The following SAMD12 variants were observed in gnomAD, a reference collection of about 807,000 sequenced individuals.
The protein encoded by SAMD12 is sterile alpha motif domain containing 12.
Under a neutral mutation model 15.0 loss-of-function variants are expected in SAMD12, and 9 were observed. The ratio of observed to expected loss-of-function variants is 0.60; its 90% CI spans 0.36 to 1.05. The LOEUF (loss-of-function observed/expected upper bound fraction) is 1.05, where lower values mean the gene tolerates loss of function less well. SAMD12 is among the 50% of genes least tolerant of loss of function. The pLI is 0.01. For synonymous variants in SAMD12, 86 were observed against 90.1 expected, an observed-to-expected ratio of 0.96 and a Z score of 0.25; for missense variants, 230 against 234.2, an observed-to-expected ratio of 0.98 and a Z score of 0.12.
intron 4 of SAMD12, among the ~76,000 whole-genome samples, chr8:118,352,991 G>A (rs1359712603): frequency 6.6e-6 from 1 of 152,048 alleles, no homozygotes; most frequent in Non-Finnish European, 1.5e-5. Flanking sequence ...TGGAAAACCT[G>A]AGAGAATACA....
chr8:118,419,323 T>A (rs1007140328), intron 3 of SAMD12, among the ~76,000 whole-genome samples: 36 of 152,206 alleles, frequency 2.4e-4, no homozygotes, highest in African/African-American at 7.0e-4. Flanking sequence ...AGATTCCTCA[T>A]TTGAAAAGAG....
At chr8:118,534,740 A>G (rs1007936455) in intron 2 of SAMD12, among the ~76,000 whole-genome samples, 2 of 152,154 alleles carry the variant, frequency 1.3e-5, no homozygotes, top group South Asian at 4.1e-4. Context: ...CGAATCGGCT[A>G]CTGAAGCTTG....
At chr8:118,205,188 G>A (rs762343671) in intron 4 of SAMD12, among the ~76,000 whole-genome samples, 7 of 152,212 alleles carry the variant, frequency 4.6e-5, no homozygotes, top group Non-Finnish European at 5.9e-5. Context: ...GAACCATACC[G>A]TTGGCTCTCC....
chr8:118,284,963 AG>A lies in SAMD12; in HGVS notation c.434-87232del, dbSNP rs1288237307. On this transcript the variant is annotated intron_variant, in intron 4 of 4. Coordinates refer to the SAMD12 transcript ENST00000409003. ...TCTCAAAAAAAAAAAAAAAAAAAAA[AG>A]AAGAAGAAGCAGTGAATCAAAATTC... The A allele has an allele frequency of 4.4e-4, 63 of 144,458 alleles. 1 individual carries two copies. The highest frequency in any genetic ancestry group is 1.7e-3 in the African/African-American group (63 of 36,178). The allele number at this position is 144,458 out of a possible 1,614,324, so 8.9% of individuals were successfully genotyped here. A position where few individuals can be genotyped will look rare whatever the true frequency, so the allele number is the denominator to read the frequency against.
chr8:118,175,965 A>G, the SAMD12 span, among the ~76,000 whole-genome samples: 2 of 152,356 alleles, frequency 1.3e-5, no homozygotes, highest in East Asian at 1.9e-4. Context: ...TAGAATTACC[A>G]TTTGACCCAG....
the SAMD12 span, among the ~76,000 whole-genome samples, chr8:118,165,593 T>TAC: frequency 2.8e-5 from 2 of 71,466 alleles, no homozygotes; most frequent in Non-Finnish European, 6.1e-5. Context: ...TCTATATATA[T>TAC]ACATATATAC....
chr8:118,238,225 T>C (rs1257599118), intron 4 of SAMD12, among the ~76,000 whole-genome samples: 2 of 152,096 alleles, frequency 1.3e-5, no homozygotes, highest in African/African-American at 4.8e-5. Flanking sequence ...ATCTGACATT[T>C]TACCAGTGTT....
intron 1 of SAMD12, among the ~76,000 whole-genome samples, chr8:118,610,546 T>C (rs1251876247): frequency 6.6e-6 from 1 of 152,210 alleles, no homozygotes; most frequent in Non-Finnish European, 1.5e-5. Context: ...GAAAAACTCA[T>C]AGAGCTCACT....
intron 4 of SAMD12, among the ~76,000 whole-genome samples, chr8:118,351,663 T>C (rs1201373247): frequency 6.6e-6 from 1 of 152,168 alleles, no homozygotes; most frequent in Non-Finnish European, 1.5e-5. Flanking sequence ...CAAGTTCCTT[T>C]CTGGGAGCAG....
chr8:118,621,799 CT>C lies in SAMD12; in HGVS notation c.13+4del. The C allele has an allele frequency of 6.2e-7, 1 of 1,614,132 alleles. No individual in the cohort carries two copies. Among genetic ancestry groups the C allele is most frequent in the Admixed American group, 1.7e-5 (1 of 60,026 alleles). ...GAGCTTAAAAATGCCCCAAGCGTCC[CT>C]TACCTTCCACAGCCATTCTCTCAGA... On this transcript the variant is annotated splice_donor_region_variant and intron_variant, in intron 1 of 3. Transcript: ENST00000314727.
chr8:118,522,157 A>AACACACAC (rs71292173), intron 2 of SAMD12, among the ~76,000 whole-genome samples: 1 of 69,980 alleles, frequency 1.4e-5, no homozygotes, highest in South Asian at 5.1e-4. Flanking sequence ...GATTCAGTGA[A>AACACACAC]ACACACACAC....
intron 4 of SAMD12, among the ~76,000 whole-genome samples, chr8:118,336,412 A>G (rs759597277): frequency 2.0e-4 from 30 of 152,234 alleles, no homozygotes; most frequent in Non-Finnish European, 4.1e-4. Flanking sequence ...TGATAGAATT[A>G]TCTTAATGAA....
At chr8:118,540,733 A>C (rs1202124442) in intron 2 of SAMD12, among the ~76,000 whole-genome samples, 1 of 152,094 alleles carries the variant, frequency 6.6e-6, no homozygotes, top group African/African-American at 2.4e-5. Flanking sequence ...TCTAGGCCTT[A>C]GCTCTTGAAA....
intron 3 of SAMD12, among the ~76,000 whole-genome samples, chr8:118,418,157 A>G (rs1249856233): frequency 6.6e-6 from 1 of 152,212 alleles, no homozygotes; most frequent in African/African-American, 2.4e-5. Context: ...AAACGAATGC[A>G]TACTTGTAAC....
At chr8:118,159,162 C>T in the SAMD12 span, among the ~76,000 whole-genome samples, 4 of 152,092 alleles carry the variant, frequency 2.6e-5, no homozygotes, top group African/African-American at 4.8e-5. Flanking sequence ...GGAGCCCAGA[C>T]CTAGAAACTC....
chr8:118,313,280 G>A (rs1174533714), intron 4 of SAMD12, among the ~76,000 whole-genome samples: 1 of 152,184 alleles, frequency 6.6e-6, no homozygotes, highest in African/African-American at 2.4e-5. Context: ...ATGCAGTTGT[G>A]AGAGCAGCAG....
intron 1 of SAMD12, among the ~76,000 whole-genome samples, chr8:118,589,162 A>C (rs1827519694): frequency 6.6e-6 from 1 of 152,196 alleles, no homozygotes; most frequent in Admixed American, 6.5e-5. Context: ...CAGGGGAAGA[A>C]ACTAAATGGA....
chr8:118,602,921 C>T (rs901554591), intron 1 of SAMD12, among the ~76,000 whole-genome samples: 1 of 151,942 alleles, frequency 6.6e-6, no homozygotes, highest in Non-Finnish European at 1.5e-5. Flanking sequence ...GAGAGGAGTA[C>T]ACTAAGAAAA....
chr8:118,559,111 A>AGTGTG (rs1586818900), intron 2 of SAMD12, among the ~76,000 whole-genome samples: 2 of 152,248 alleles, frequency 1.3e-5, no homozygotes, highest in East Asian at 3.8e-4. Context: ...TCCCAAGGCT[A>AGTGTG]TCACTAGCAC....
Sources: allele counts gnomAD v4.1 joint callset (sites outside exome capture counted in the v4.1 genomes callset), GRCh38; gene constraint gnomAD v4.1.1; transcripts MANE v1.5; gene names NCBI Gene and HGNC (gene_info 2026-07-23, HGNC 2026-07-21).